EMSY: variants seen among roughly 807,000 people sequenced by gnomAD.
EMSY encodes the protein BRCA2-interacting transcriptional repressor EMSY.
A neutral mutation model predicts 134.6 loss-of-function variants in EMSY; 26 were observed. The observed-to-expected ratio is 0.19, with a 90% CI of 0.14 to 0.27. EMSY has a LOEUF of 0.27. Ranked by LOEUF, EMSY falls within the 10% of genes least tolerant of loss-of-function variation. EMSY has a pLI of 1.00. For missense variants in EMSY, 1,305 were observed against 1,611.4 expected, an observed-to-expected ratio of 0.81 and a Z score of 3.26; for synonymous variants, 579 against 577.8, an observed-to-expected ratio of 1.00 and a Z score of -0.03.
intron 4 of EMSY, among the ~76,000 whole-genome samples, chr11:76,457,657 C>T (rs1052655231): frequency 2.6e-5 from 4 of 152,170 alleles, no homozygotes; most frequent in Non-Finnish European, 5.9e-5. Context: ...CTGTTCTTTT[C>T]TACTTAGGCT....
intron 17 of EMSY, among the ~76,000 whole-genome samples, chr11:76,541,035 G>A (rs147786317): frequency 6.6e-6 from 1 of 152,248 alleles, no homozygotes; most frequent in East Asian, 1.9e-4. Context: ...GACCAGCTTG[G>A]CCATCATGGC....
At chr11:76,546,541 A>G (rs1951660605) in intron 20 of EMSY, among the ~76,000 whole-genome samples, 2 of 152,360 alleles carry the variant, frequency 1.3e-5, no homozygotes, top group South Asian at 4.1e-4. Context: ...TAAAGGCAAT[A>G]AAGAGCCCAT....
intron 9 of EMSY, among the ~76,000 whole-genome samples, chr11:76,498,284 T>C (rs1027133652): frequency 6.6e-6 from 1 of 152,196 alleles, no homozygotes. Context: ...TCGTAAAATA[T>C]CTATGCTGCC....
At chr11:76,484,762 A>C (rs202188796) in intron 8 of EMSY, among the ~76,000 whole-genome samples, 1 of 151,918 alleles carries the variant, frequency 6.6e-6, no homozygotes, top group African/African-American at 2.4e-5. Context: ...GAGAAACCCC[A>C]TCTCTACTAA....
chr11:76,523,319 A>T (rs1201253361), intron 12 of EMSY, 28 bp downstream of exon 13: 1 of 1,597,274 alleles, frequency 6.3e-7, no homozygotes, highest in South Asian at 1.1e-5. Flanking sequence ...CTGCAGACTT[A>T]GCAATTCACA....
chr11:76,498,308 G>T (rs1949728540), intron 9 of EMSY, among the ~76,000 whole-genome samples: 1 of 152,114 alleles, frequency 6.6e-6, no homozygotes, highest in South Asian at 2.1e-4. Context: ...GTTGGGTGGA[G>T]TATTCTATAT....
chr11:76,545,135 T>C (rs1353738404), intron 19 of EMSY, among the ~76,000 whole-genome samples: 1 of 152,222 alleles, frequency 6.6e-6, no homozygotes, highest in Non-Finnish European at 1.5e-5. Context: ...TTTTTTGGTA[T>C]AAAATATTTA....
intron 11 of EMSY, 142 bp from the exon 13 acceptor site, chr11:76,523,013 C>G: frequency 1.3e-6 from 1 of 773,414 alleles, no homozygotes; most frequent in Non-Finnish European, 2.0e-6. Context: ...TATTCCAAGC[C>G]TTCATTTTCA....
At chr11:76,469,518 T>A (rs1643908132) in intron 7 of EMSY, among the ~76,000 whole-genome samples, 1 of 152,222 alleles carries the variant, frequency 6.6e-6, no homozygotes, top group South Asian at 2.1e-4. Context: ...TTCAGATTGA[T>A]TTGATGTATA....
chr11:76,450,489 C>CTTT (rs764412635), intron 2 of EMSY, among the ~76,000 whole-genome samples: 2 of 142,608 alleles, frequency 1.4e-5, no homozygotes, highest in African/African-American at 5.1e-5. Flanking sequence ...ACAGACATTC[C>CTTT]TTTTTTTTTT....
intron 11 of EMSY, among the ~76,000 whole-genome samples, chr11:76,519,105 C>T (rs922906823): frequency 3.4e-5 from 5 of 148,960 alleles, no homozygotes; most frequent in African/African-American, 1.2e-4. Flanking sequence ...TGCTGTGTCA[C>T]CTAGGCTGGA....
rs145355940 is a variant in EMSY, at chr11:76,514,748, C to T, written c.1513+1213C>T. 4.7e-3 allele frequency among the ~76,000 whole-genome samples: 709 copies of T among 152,294 alleles called. 4 individuals carry two copies. Among genetic ancestry groups the T allele is most frequent in the African/African-American group, 0.016 (664 of 41,568 alleles). On this transcript the variant is annotated intron_variant, in intron 10 of 20. Coordinates refer to ENST00000334736, the Ensembl canonical transcript of EMSY. ...CTGTGTTCATTCAACAATAATGCTT[C>T]ATTTCCCCACTTTCTGAAGTCCCTG... is the stretch of plus-strand genomic sequence containing the variant.
intron 14 of EMSY, 134 bp downstream of exon 15, chr11:76,528,600 T>TA: frequency 1.6e-6 from 1 of 631,688 alleles, no homozygotes; most frequent in Non-Finnish European, 2.5e-6. Flanking sequence ...TTTTTTTTTT[T>TA]TTTATTGTTT....
At chr11:76,472,301 T>G (rs896263131) in intron 7 of EMSY, among the ~76,000 whole-genome samples, 1 of 152,088 alleles carries the variant, frequency 6.6e-6, no homozygotes, top group African/African-American at 2.4e-5. Context: ...CTAAGTAGTA[T>G]GCTGAAATGT....
At chr11:76,450,758 C>T (rs1947629047) in intron 2 of EMSY, among the ~76,000 whole-genome samples, 1 of 148,866 alleles carries the variant, frequency 6.7e-6, no homozygotes. Context: ...TCCCAAAGAG[C>T]TGGGATTACA....
chr11:76,505,867 GA>G (rs896791209), intron 9 of EMSY, among the ~76,000 whole-genome samples: 18 of 147,694 alleles, frequency 1.2e-4, no homozygotes, highest in African/African-American at 3.5e-4. Flanking sequence ...AAAAAAAAAA[GA>G]AAAAAAAATT....
At chr11:76,462,346 T>C (rs1055157398) in intron 6 of EMSY, among the ~76,000 whole-genome samples, 5 of 152,252 alleles carry the variant, frequency 3.3e-5, no homozygotes, top group Non-Finnish European at 7.3e-5. Context: ...ATTATTGCTT[T>C]ATGCTCAGAA....
chr11:76,544,886 A>T, intron 19 of EMSY, 64 bp downstream of exon 20: 2 of 1,509,336 alleles, frequency 1.3e-6, no homozygotes, highest in South Asian at 2.4e-5. Context: ...AAATGAGAAC[A>T]TCACGACCCT....
Position 76,544,158 on chromosome 11 carries a change from A to T in EMSY, c.2710-101A>T. The T allele has an allele frequency of 4.8e-6, 6 of 1,256,732 alleles. No homozygotes were observed. The South Asian group carries it at 9.6e-5, about 20-fold the overall frequency. 77.8% of individuals were successfully genotyped at this position (1,256,732 alleles called of 1,614,324 possible). On this transcript the variant is annotated intron_variant, in intron 18 of 20. Transcript: ENST00000334736. The stretch of plus-strand genomic sequence containing the variant: ...TTGGCCTTTCTAGGTTCTTCTGAAA[A>T]TTTTTGAGTGAATCTCGTAAGTCTT...
Sources: allele counts gnomAD v4.1 joint callset (sites outside exome capture counted in the v4.1 genomes callset), GRCh38; gene constraint gnomAD v4.1.1; transcripts MANE v1.5; gene names NCBI Gene and HGNC (gene_info 2026-07-23, HGNC 2026-07-21).